MYO16: variants seen among roughly 807,000 people sequenced by gnomAD.
MYO16 encodes myosin XVI.
MYO16 carries 94 observed loss-of-function variants against 205.3 expected under a neutral mutation model. That is an observed-to-expected ratio of 0.46 (90% confidence interval 0.39 to 0.54). The LOEUF (loss-of-function observed/expected upper bound fraction) is 0.54, where lower values mean the gene tolerates loss of function less well. MYO16 is among the 20% of genes least tolerant of loss of function. The pLI is 0.00. For synonymous variants in MYO16, 988 were observed against 954.0 expected, an observed-to-expected ratio of 1.04 and a Z score of -0.66; for missense variants, 2,315 against 2,387.5, an observed-to-expected ratio of 0.97 and a Z score of 0.63.
intron 33 of MYO16, among the ~76,000 whole-genome samples, chr13:109,170,390 G>A (rs1346408517): frequency 1.3e-5 from 2 of 152,108 alleles, no homozygotes; most frequent in Admixed American, 6.5e-5. Flanking sequence ...AGAGGTGCTC[G>A]GAGAACGGAC....
intron 4 of MYO16, among the ~76,000 whole-genome samples, chr13:108,756,699 A>G (rs926492396): frequency 6.8e-6 from 1 of 146,994 alleles, no homozygotes; most frequent in African/African-American, 2.5e-5. Context: ...CAAAATATAG[A>G]AAAAAACAAA....
chr13:109,059,827 C>A (rs1887531706), intron 27 of MYO16, among the ~76,000 whole-genome samples: 1 of 152,146 alleles, frequency 6.6e-6, no homozygotes, highest in Admixed American at 6.5e-5. Flanking sequence ...GTCATGAAGT[C>A]CTTGCCCATG....
the MYO16 span, among the ~76,000 whole-genome samples, chr13:108,516,505 T>C: frequency 2.0e-5 from 3 of 152,196 alleles, no homozygotes; most frequent in African/African-American, 7.2e-5. Context: ...CGGGAAGTGA[T>C]AGTTAATTTT....
chr13:108,496,634 C>A, the MYO16 span, among the ~76,000 whole-genome samples: 1 of 152,186 alleles, frequency 6.6e-6, no homozygotes, highest in African/African-American at 2.4e-5. Flanking sequence ...TTAATTGGTC[C>A]CTAGTACGCC....
intron 16 of MYO16, among the ~76,000 whole-genome samples, chr13:108,916,438 T>C (rs1881498300): frequency 6.6e-6 from 1 of 152,200 alleles, no homozygotes; most frequent in African/African-American, 2.4e-5. Context: ...TGTCTTTATC[T>C]CCTCGTGTCA....
At chr13:108,813,873 G>A (rs1239976530) in intron 7 of MYO16, among the ~76,000 whole-genome samples, 1 of 152,154 alleles carries the variant, frequency 6.6e-6, no homozygotes, top group Non-Finnish European at 1.5e-5. Context: ...AGATGTTCCA[G>A]AGTAGAGTAA....
chr13:108,587,170 G>A, the MYO16 span, among the ~76,000 whole-genome samples: 13 of 152,202 alleles, frequency 8.5e-5, no homozygotes, highest in East Asian at 5.8e-4. Flanking sequence ...ATTAGGGAGC[G>A]GTAAGGAAGA....
chr13:109,097,167 A>G (rs1349235700), intron 27 of MYO16, among the ~76,000 whole-genome samples: 2 of 152,160 alleles, frequency 1.3e-5, no homozygotes, highest in Admixed American at 6.5e-5. Context: ...TGTCTCTACT[A>G]AAAATACAGA....
At chr13:108,937,320 G>T (rs1428003219) in intron 16 of MYO16, among the ~76,000 whole-genome samples, 2 of 150,754 alleles carry the variant, frequency 1.3e-5, no homozygotes, top group African/African-American at 4.9e-5. Flanking sequence ...ATTGATTTTG[G>T]TTAGTCTGGT....
intron 16 of MYO16, among the ~76,000 whole-genome samples, chr13:108,947,621 G>A (rs951566526): frequency 2.6e-5 from 4 of 152,270 alleles, no homozygotes; most frequent in African/African-American, 9.6e-5. Context: ...TTCAGGCTGC[G>A]GTCAGCCCCT....
the MYO16 span, among the ~76,000 whole-genome samples, chr13:108,546,786 CTTGT>C: frequency 6.6e-6 from 1 of 152,156 alleles, no homozygotes; most frequent in South Asian, 2.1e-4. Context: ...TCGCTTCATT[CTTGT>C]TTGTCAGTGT....
At chr13:108,735,263 G>GC (rs527958507) in intron 4 of MYO16, among the ~76,000 whole-genome samples, 3,285 of 74,908 alleles carry the variant, frequency 0.044, 129 homozygotes, top group African/African-American at 0.14. Flanking sequence ...CCCCCCTCCC[G>GC]CCCCCACCCC....
intron 24 of MYO16, among the ~76,000 whole-genome samples, chr13:109,050,306 T>C (rs892321236): frequency 6.6e-6 from 1 of 152,104 alleles, no homozygotes; most frequent in Admixed American, 6.6e-5. Flanking sequence ...GAAATCGCTC[T>C]GTTTGAGTTT....
chr13:109,168,868 T>C (rs1339094998), intron 33 of MYO16, among the ~76,000 whole-genome samples: 9 of 147,946 alleles, frequency 6.1e-5, no homozygotes, highest in African/African-American at 2.2e-4. Flanking sequence ...GTCTTTTGTG[T>C]ATGAGTGGAA....
chr13:108,714,596 G>C (rs1308106545), intron 3 of MYO16, among the ~76,000 whole-genome samples: 1 of 142,156 alleles, frequency 7.0e-6, no homozygotes, highest in Non-Finnish European at 1.5e-5. Context: ...GTGTGTCTGT[G>C]TGTGTGTGTG....
At chr13:108,560,602 T>C in the MYO16 span, among the ~76,000 whole-genome samples, 1 of 152,248 alleles carries the variant, frequency 6.6e-6, no homozygotes, top group Non-Finnish European at 1.5e-5. Context: ...AATTTGGATA[T>C]CTAAAGAAGA....
At chr13:109,181,317 A>G (rs1342759914) in intron 34 of MYO16, among the ~76,000 whole-genome samples, 3 of 152,242 alleles carry the variant, frequency 2.0e-5, no homozygotes, top group Non-Finnish European at 2.9e-5. Context: ...ACGTGATGAG[A>G]CAGATTCCTT....
At chr13:109,186,973 A>AATGTATGT (rs1214618226) in intron 34 of MYO16, among the ~76,000 whole-genome samples, 12 of 152,334 alleles carry the variant, frequency 7.9e-5, no homozygotes, top group Admixed American at 3.9e-4. Flanking sequence ...AGGTTAAACC[A>AATGTATGT]ATGTATGTAC....
At chr13:108,840,934 G>A (rs750691072) in intron 9 of MYO16, among the ~76,000 whole-genome samples, 2 of 152,190 alleles carry the variant, frequency 1.3e-5, no homozygotes, top group Non-Finnish European at 2.9e-5. Flanking sequence ...TTTCATGCAT[G>A]ACACAAGTTG....
Sources: allele counts gnomAD v4.1 joint callset (sites outside exome capture counted in the v4.1 genomes callset), GRCh38; gene constraint gnomAD v4.1.1; transcripts MANE v1.5; gene names NCBI Gene and HGNC (gene_info 2026-07-23, HGNC 2026-07-21).